Variants in EZR observed in about 807,000 individuals in gnomAD.
EZR encodes cytovillin 2.
A neutral mutation model predicts 74.8 loss-of-function variants in EZR; 40 were observed. That is an observed-to-expected ratio of 0.53 (90% CI 0.42 to 0.70). EZR has a LOEUF of 0.70. EZR is among the 30% of genes least tolerant of loss of function. The probability of loss-of-function intolerance (pLI) is 0.00; values close to 1 mark genes in which losing one functional copy is unlikely to be tolerated. For synonymous variants in EZR, 341 were observed against 283.3 expected, an observed-to-expected ratio of 1.20 and a Z score of -2.05; for missense variants, 678 against 755.8, an observed-to-expected ratio of 0.90 and a Z score of 1.21.
intron 8 of EZR, among the ~76,000 whole-genome samples, chr6:158,772,094 G>A (rs931696990): frequency 6.6e-6 from 1 of 152,190 alleles, no homozygotes; most frequent in African/African-American, 2.4e-5. Context: ...AAGCTATCCA[G>A]CCCTGCTCCT....
intron 3 of EZR, among the ~76,000 whole-genome samples, chr6:158,788,141 G>C (rs1791632253): frequency 6.6e-6 from 1 of 152,156 alleles, no homozygotes; most frequent in South Asian, 2.1e-4. Flanking sequence ...ATGCCAAAGA[G>C]GGTTGAATAC....
chr6:158,778,825 C>A (rs1174199451), intron 7 of EZR, among the ~76,000 whole-genome samples: 2 of 152,172 alleles, frequency 1.3e-5, no homozygotes, highest in Non-Finnish European at 2.9e-5. Flanking sequence ...AGATCATAAC[C>A]CAAAGACCGA....
At chr6:158,780,750 T>G (rs1791413713) in intron 7 of EZR, among the ~76,000 whole-genome samples, 1 of 152,156 alleles carries the variant, frequency 6.6e-6, no homozygotes, top group African/African-American at 2.4e-5. Flanking sequence ...TTAGTTTTTG[T>G]TTTTGGTCCG....
intron 6 of EZR, 62 bp from the exon 7 acceptor site, chr6:158,783,728 A>T (rs527729499): frequency 6.5e-7 from 1 of 1,532,004 alleles, no homozygotes; most frequent in East Asian, 2.3e-5. Flanking sequence ...GAACAGTAAA[A>T]CCTTTCCAGT....
intron 1 of EZR, among the ~76,000 whole-genome samples, chr6:158,818,436 T>C (rs1777613381): frequency 9.0e-5 from 12 of 133,814 alleles, no homozygotes. Context: ...CAGTTGGGGG[T>C]GGGTCCGAGG....
Position 158,817,209 on chromosome 6 carries a change from G to A in EZR, c.12+873C>T, listed in dbSNP as rs536867778. Among the ~76,000 whole-genome samples the A allele has an allele frequency of 8.3e-4, 127 of 152,288 alleles. 1 individual carries two copies. Among genetic ancestry groups the A allele is most frequent in the African/African-American group, 2.4e-3 (101 of 41,562 alleles). On this transcript the variant is annotated intron_variant, in intron 2 of 13. Transcript: ENST00000367075. ...TGAATCCTGATATTTTGTCCATTGT[G>A]ATTCAAAACTCAAAAAATGTTAAAC...
At chr6:158,794,101 G>A (rs911514028) in intron 2 of EZR, among the ~76,000 whole-genome samples, 1 of 152,116 alleles carries the variant, frequency 6.6e-6, no homozygotes, top group Admixed American at 6.5e-5. Context: ...ACACAGTGAA[G>A]CCCCGTCTCT....
At chr6:158,805,677 C>T (rs1388565147) in intron 2 of EZR, among the ~76,000 whole-genome samples, 4 of 152,068 alleles carry the variant, frequency 2.6e-5, no homozygotes, top group Non-Finnish European at 4.4e-5. Context: ...TTAAAATCAC[C>T]ATTTCTGAAA....
chr6:158,803,556 T>TACACAC (rs1232116992), intron 2 of EZR, among the ~76,000 whole-genome samples: 1 of 3,354 alleles, frequency 3.0e-4, no homozygotes, highest in African/African-American at 1.2e-3. Flanking sequence ...TATATATATA[T>TACACAC]ATATATATAT....
chr6:158,782,790 G>C (rs1028311003), intron 7 of EZR, among the ~76,000 whole-genome samples: 4 of 152,188 alleles, frequency 2.6e-5, no homozygotes, highest in African/African-American at 9.7e-5. Flanking sequence ...AATTCAGGTA[G>C]CTTCTGATCA....
At chr6:158,803,628 TATAC>T (rs1289022990) in intron 2 of EZR, among the ~76,000 whole-genome samples, 4 of 25,194 alleles carry the variant, frequency 1.6e-4, no homozygotes, top group South Asian at 1.4e-3. Context: ...TATATATACA[TATAC>T]ATACATATAT....
chr6:158,778,029 T>C (rs986212162), intron 7 of EZR, among the ~76,000 whole-genome samples: 1 of 152,208 alleles, frequency 6.6e-6, no homozygotes, highest in African/African-American at 2.4e-5. Context: ...AGATACCACC[T>C]TGCCCTGCTA....
At chr6:158,770,630 C>T (rs544247512) in intron 10 of EZR, 134 bp downstream of exon 10, 6 of 968,886 alleles carry the variant, frequency 6.2e-6, no homozygotes, top group African/African-American at 3.2e-5. Flanking sequence ...ACCATTTTAT[C>T]ATTTCGGCTG....
At chr6:158,771,668 CGT>C (rs1319589967) in intron 8 of EZR, among the ~76,000 whole-genome samples, 5 of 152,284 alleles carry the variant, frequency 3.3e-5, no homozygotes, top group East Asian at 1.9e-4. Flanking sequence ...GCAGGTGCCG[CGT>C]GTGTGTGCAG....
At chr6:158,777,778 G>T (rs977752078) in intron 7 of EZR, among the ~76,000 whole-genome samples, 4 of 152,146 alleles carry the variant, frequency 2.6e-5, no homozygotes, top group African/African-American at 9.7e-5. Context: ...CCCTTCTGGG[G>T]AATTAGCGCA....
intron 10 of EZR, 33 bp downstream of exon 10, chr6:158,770,731 C>G (rs552845390): frequency 6.2e-7 from 1 of 1,613,696 alleles, no homozygotes; most frequent in Non-Finnish European, 8.5e-7. Context: ...AATGCATGAC[C>G]CAGTGTAGAG....
intron 3 of EZR, among the ~76,000 whole-genome samples, chr6:158,788,783 C>A (rs962303260): frequency 5.9e-5 from 9 of 152,088 alleles, no homozygotes; most frequent in African/African-American, 2.2e-4. Flanking sequence ...TGAATTATTT[C>A]TCTAAATCTT....
chr6:158,791,788 A>C (rs1458646659), intron 2 of EZR, among the ~76,000 whole-genome samples: 1 of 138,722 alleles, frequency 7.2e-6, no homozygotes, highest in East Asian at 2.1e-4. Flanking sequence ...GGCTCACTGC[A>C]AGCTCCGCCT....
Position 158,797,480 on chromosome 6 carries a change from AGCC to A in EZR, c.13-8112_13-8110del, listed in dbSNP as rs1238273255. 5.4e-3 allele frequency among the ~76,000 whole-genome samples: 816 copies of A among 152,328 alleles called. 3 individuals are homozygous for A. The highest frequency in any genetic ancestry group is 0.019 in the African/African-American group (773 of 41,578). On this transcript the variant is annotated intron_variant, in intron 2 of 13. Transcript: ENST00000367075. ...AAAACCAGTCTGAGTAGAGCCATCC[AGCC>A]ACCACCAAGATTACATTGCGAGCTT...
Sources: allele counts gnomAD v4.1 joint callset (sites outside exome capture counted in the v4.1 genomes callset), GRCh38; gene constraint gnomAD v4.1.1; transcripts MANE v1.5; gene names NCBI Gene and HGNC (gene_info 2026-07-23, HGNC 2026-07-21).